GAB1: variants seen among roughly 807,000 people sequenced by gnomAD.
GAB1 encodes the protein GRB2-associated-binding protein 1.
A neutral mutation model predicts 66.5 loss-of-function variants in GAB1; 19 were observed. The observed-to-expected ratio is 0.29, with a 90% CI of 0.20 to 0.42. GAB1 has a LOEUF of 0.42. Ranked by LOEUF, GAB1 falls within the 10% of genes least tolerant of loss-of-function variation. The probability of loss-of-function intolerance (pLI) is 1.00; values close to 1 mark genes in which losing one functional copy is unlikely to be tolerated. For missense variants in GAB1, 732 were observed against 858.5 expected (o/e 0.85, Z 1.84); for synonymous variants, 294 against 301.4 (o/e 0.98, Z 0.25).
intron 1 of GAB1, among the ~76,000 whole-genome samples, chr4:143,386,811 G>C (rs970336862): frequency 7.9e-5 from 12 of 152,206 alleles, no homozygotes; most frequent in African/African-American, 2.7e-4. Flanking sequence ...TCAGTGCCCA[G>C]AAAGTGTCAG....
In GAB1 at chr4:143,407,721, C is replaced by T. The variant is rs1456877363; in HGVS notation, c.73-7756C>T. On this transcript the variant is annotated intron_variant, in intron 1 of 9. Coordinates refer to ENST00000262994, the MANE Select transcript of GAB1 (RefSeq NM_002039.4). ...GAGCCAGTGGAGTGGAAACTTCCACCGAGCCTGTTTTTTCCTTATTTTGCT... is the reference window on the plus strand; with the variant it reads ...GAGCCAGTGGAGTGGAAACTTCCACTGAGCCTGTTTTTTCCTTATTTTGCT... Among the ~76,000 whole-genome samples, 4 of 152,200 alleles carry T rather than the reference C, an allele frequency of 2.6e-5. No individual in the cohort carries two copies. In the South Asian group the frequency reaches 6.2e-4, roughly 24 times the overall value.
chr4:143,444,638 G>T (rs1050320136), intron 6 of GAB1, among the ~76,000 whole-genome samples: 1 of 151,876 alleles, frequency 6.6e-6, no homozygotes, highest in Non-Finnish European at 1.5e-5. Context: ...TTAGTTTTAG[G>T]GGGGTGCATG....
chr4:143,415,752 G>A lies in GAB1; in HGVS notation c.348G>A (p.Gly116=), dbSNP rs1291233475. 2.4e-5 allele frequency: 38 copies of A among 1,604,878 alleles called. No homozygotes were observed. Among genetic ancestry groups the A allele is most frequent in the Non-Finnish European group, 3.1e-5 (36 of 1,174,156 alleles). The change falls in exon 2 of 10, where the codon GGG becomes GGA. Residue 116 remains glycine (G), a synonymous_variant. Coordinates refer to ENST00000262994, the MANE Select transcript of GAB1 (RefSeq NM_002039.4). ...TTCGTTGTATTTGTGACATCTGTGG[G>A]TTTAATCCAACAGAAGAAGGTAAGT... ...KWVRCICDIC[G]FNPTEEDPVK...
rs535019729 is a variant in GAB1, at chr4:143,432,036, C to T, written c.368-1455C>T. ...GCAAGGCTGTGTTAACTGCTGACAG[C>T]GTGGAGAAAAGAAAAAGATGCCTGG... On this transcript the variant is annotated intron_variant, in intron 2 of 9. Transcript: ENST00000262994. Among the ~76,000 whole-genome samples, 3 of 152,216 alleles carry T rather than the reference C, an allele frequency of 2.0e-5. No homozygotes were observed. In the East Asian group the frequency reaches 5.8e-4, roughly 29 times the overall value.
chr4:143,417,941 T>C (rs976508381), intron 2 of GAB1, among the ~76,000 whole-genome samples: 1 of 151,694 alleles, frequency 6.6e-6, no homozygotes, highest in Non-Finnish European at 1.5e-5. Context: ...CCATAAGGAG[T>C]GGAAAATTGT....
At chr4:143,457,825 T>C in intron 6 of GAB1, 3 of 927,896 alleles carry the variant, frequency 3.2e-6, no homozygotes, top group East Asian at 2.9e-5. Context: ...TTTTGTAATG[T>C]TTTTTGTTTT....
chr4:143,456,294 A>G (rs1343658811), intron 6 of GAB1, among the ~76,000 whole-genome samples: 1 of 152,076 alleles, frequency 6.6e-6, no homozygotes, highest in Non-Finnish European at 1.5e-5. Context: ...CACCTCTACT[A>G]AAAATACAAA....
At chr4:143,437,831 G>A (rs910173191) in intron 3 of GAB1, among the ~76,000 whole-genome samples, 168 bp from the exon 4 acceptor site, 8 of 152,048 alleles carry the variant, frequency 5.3e-5, no homozygotes, top group Non-Finnish European at 1.0e-4. Context: ...GTTGTCTGAT[G>A]TATAATCATA....
At chr4:143,450,940 A>G (rs1240110885) in intron 6 of GAB1, among the ~76,000 whole-genome samples, 2 of 152,120 alleles carry the variant, frequency 1.3e-5, no homozygotes, top group African/African-American at 2.4e-5. Flanking sequence ...AAACACCACT[A>G]GCTTTAAGAG....
At chr4:143,389,642 A>G (rs1482272064) in intron 1 of GAB1, among the ~76,000 whole-genome samples, 1 of 152,212 alleles carries the variant, frequency 6.6e-6, no homozygotes, top group Non-Finnish European at 1.5e-5. Context: ...AACTATGACC[A>G]TTGTGTGAAC....
chr4:143,393,049 A>T (rs993052762), intron 1 of GAB1, among the ~76,000 whole-genome samples: 3 of 152,050 alleles, frequency 2.0e-5, no homozygotes, highest in Admixed American at 6.5e-5. Flanking sequence ...CATGTGGACT[A>T]TGGGCTGTAA....
intron 7 of GAB1, 139 bp from the exon 8 acceptor site, chr4:143,460,225 A>G: frequency 1.4e-6 from 1 of 719,924 alleles, no homozygotes; most frequent in Middle Eastern, 2.7e-4. Flanking sequence ...TTACATCATT[A>G]TAAATGTGTA....
intron 1 of GAB1, among the ~76,000 whole-genome samples, chr4:143,373,716 C>A (rs1730256232): frequency 6.6e-6 from 1 of 151,372 alleles, no homozygotes; most frequent in Non-Finnish European, 1.5e-5. Context: ...GTAGTCCCAG[C>A]TGCTTGGGAG....
Position 143,415,735 on chromosome 4 carries a change from A to G in GAB1, c.331A>G (p.Ile111Val). The G allele has an allele frequency of 1.2e-6, 2 of 1,612,400 alleles. No individual in the cohort carries two copies. The highest frequency in any genetic ancestry group is 1.1e-5 in the South Asian group (1 of 90,888). Residue 111 changes from isoleucine (I) to valine (V), a missense_variant, in exon 2 of 10, where the codon ATT becomes GTT. Ile to Val is a conservative substitution (Grantham distance 29, BLOSUM62 3). Around this residue, in one of 4 missense-constraint regions of GAB1, gnomAD observed 66 missense variants for 130.3 expected, o/e 0.51. Transcript: ENST00000262994. ...GGAGATGAATAAGTGGGTTCGTTGT[A>G]TTTGTGACATCTGTGGGTTTAATCC... ...EEEMNKWVRCICDICGFNPTE... is the reference protein window; with the variant it reads ...EEEMNKWVRCVCDICGFNPTE...
intron 6 of GAB1, among the ~76,000 whole-genome samples, chr4:143,451,579 AGAAAGCTCATTCT>A (rs1333488860): frequency 6.6e-6 from 1 of 152,208 alleles, no homozygotes; most frequent in African/African-American, 2.4e-5. Flanking sequence ...GAATGGCTCT[AGAAAGCTCATTCT>A]GATTTAAGAA....
At chr4:143,445,286 T>G (rs1047593060) in intron 6 of GAB1, among the ~76,000 whole-genome samples, 5 of 152,128 alleles carry the variant, frequency 3.3e-5, no homozygotes, top group Non-Finnish European at 7.4e-5. Context: ...AATAGCTGTT[T>G]TGACTAGTGT....
At chr4:143,451,612 G>A (rs1734934607) in intron 6 of GAB1, among the ~76,000 whole-genome samples, 1 of 152,034 alleles carries the variant, frequency 6.6e-6, no homozygotes, top group Admixed American at 6.6e-5. Context: ...ATACAATAGA[G>A]AAAATAATTG....
intron 6 of GAB1, among the ~76,000 whole-genome samples, chr4:143,451,605 C>CTTAT (rs1226933377): frequency 2.0e-5 from 3 of 151,994 alleles, no homozygotes; most frequent in Non-Finnish European, 4.4e-5. Context: ...TTTAAGAATA[C>CTTAT]AATAGAGAAA....
At chr4:143,371,493 G>T (rs951973238) in intron 1 of GAB1, among the ~76,000 whole-genome samples, 30 of 152,262 alleles carry the variant, frequency 2.0e-4, no homozygotes, top group African/African-American at 5.5e-4. Flanking sequence ...CTCCCATTCT[G>T]TAGGTTGCCT....
Sources: gnomAD v4.1 joint callset for allele counts (sites outside exome capture counted in the v4.1 genomes callset) on GRCh38, gnomAD v4.1.1 for gene constraint, gnomAD v4.1.1 regional missense constraint, MANE v1.5 for transcripts, NCBI Gene and HGNC (gene_info 2026-07-23, HGNC 2026-07-21) for gene names.